MEGF10: variants seen among roughly 807,000 people sequenced by gnomAD.
MEGF10 encodes multiple epidermal growth factor-like domains protein 10.
Under a neutral mutation model 147.5 loss-of-function variants are expected in MEGF10, and 86 were observed. The ratio of observed to expected loss-of-function variants is 0.58; its 90% CI spans 0.49 to 0.70. The LOEUF is 0.70. Ranked by LOEUF, MEGF10 falls within the 30% of genes least tolerant of loss-of-function variation. MEGF10 has a pLI of 0.00. For missense variants in MEGF10, 1,329 were observed against 1,487.3 expected (o/e 0.89, Z 1.75); for synonymous variants, 478 against 525.5 (o/e 0.91, Z 1.24).
intron 5 of MEGF10, among the ~76,000 whole-genome samples, chr5:127,380,805 C>A (rs969249649): frequency 6.6e-6 from 1 of 152,186 alleles, no homozygotes; most frequent in African/African-American, 2.4e-5. Flanking sequence ...GTGTGAGCCA[C>A]CGCGCCCAGC....
intron 1 of MEGF10, among the ~76,000 whole-genome samples, chr5:127,310,261 G>T (rs1223484862): frequency 6.6e-6 from 1 of 151,258 alleles, no homozygotes; most frequent in Admixed American, 6.6e-5. Flanking sequence ...TTTTAATTAG[G>T]TTGTCTGTTT....
At chr5:127,416,199 T>A (rs928625477) in intron 9 of MEGF10, among the ~76,000 whole-genome samples, 18 of 151,858 alleles carry the variant, frequency 1.2e-4, no homozygotes, top group African/African-American at 4.4e-4. Flanking sequence ...CGCTAATTTT[T>A]TGTGTTTTTT....
chr5:127,449,312 A>T, intron 22 of MEGF10, 90 bp downstream of exon 22: 1 of 1,553,428 alleles, frequency 6.4e-7, no homozygotes, highest in Non-Finnish European at 8.7e-7. Flanking sequence ...AAGGTGTTCT[A>T]TTGAAAACTT....
chr5:127,441,701 A>G (rs1336891170), intron 18 of MEGF10, among the ~76,000 whole-genome samples: 2 of 152,192 alleles, frequency 1.3e-5, no homozygotes, highest in Non-Finnish European at 2.9e-5. Flanking sequence ...CCTGTTCACC[A>G]GAGGTTGTAC....
intron 4 of MEGF10, among the ~76,000 whole-genome samples, chr5:127,362,613 C>G (rs1486522296): frequency 2.0e-5 from 3 of 152,124 alleles, no homozygotes; most frequent in Non-Finnish European, 4.4e-5. Context: ...ATCCGCCCGC[C>G]TCAGCCTCCC....
rs772049497 is a variant in MEGF10 at position 127,420,066 on chromosome 5, C to T, written c.1449C>T (p.Ser483=). 2 of 1,614,164 alleles carry T rather than the reference C, an allele frequency of 1.2e-6. No individual in the cohort carries two copies. The highest frequency in any genetic ancestry group is 1.7e-6 in the Non-Finnish European group (2 of 1,180,028). ...CAGGCTGGCACGGGGTGGACTGCTC[C>T]ATCAGATGTCCCAGTGGCACATGGG... ...CKAGWHGVDC[S]IRCPSGTWGF... Residue 483 remains serine, a synonymous_variant, in exon 12 of 25, where the codon TCC becomes TCT. Transcript: ENST00000503335.
At chr5:127,275,581 A>T in the MEGF10 span, among the ~76,000 whole-genome samples, 1 of 141,210 alleles carries the variant, frequency 7.1e-6, no homozygotes, top group African/African-American at 2.8e-5. Flanking sequence ...TGCCTTTCGA[A>T]TTCGAAGATC....
chr5:127,461,211 T>C lies in MEGF10; in HGVS notation c.*3893T>C, dbSNP rs1766546898. On this transcript the variant is annotated 3_prime_UTR_variant, in exon 25 of 25. Coordinates refer to ENST00000503335, the MANE Select transcript of MEGF10 (RefSeq NM_001256545.2). ...GTTTATAGATTAATGCAATAAACTT[T>C]CTAATAAAAAACTCTAGTGTTTCTT... is the stretch of plus-strand genomic sequence containing the variant. 6.6e-6 allele frequency: 1 copy of C among 152,222 alleles called. No individual in the cohort carries two copies. The highest frequency in any genetic ancestry group is 1.5e-5 in the Non-Finnish European group (1 of 68,048). The allele number at this position is 152,222 out of a possible 1,614,324, so 9.4% of individuals were successfully genotyped here.
At chr5:127,430,782 A>G (rs529424827) in intron 13 of MEGF10, among the ~76,000 whole-genome samples, 2 of 152,238 alleles carry the variant, frequency 1.3e-5, no homozygotes, top group Non-Finnish European at 2.9e-5. Flanking sequence ...TAACTGAGAC[A>G]TACTTGATAT....
At chr5:127,242,163 C>T in the MEGF10 span, among the ~76,000 whole-genome samples, 1 of 152,196 alleles carries the variant, frequency 6.6e-6, no homozygotes, top group Non-Finnish European at 1.5e-5. Flanking sequence ...AGACATACAA[C>T]AGGCAGCTTA....
intron 5 of MEGF10, among the ~76,000 whole-genome samples, chr5:127,379,745 GC>G (rs914064139): frequency 6.6e-6 from 1 of 151,732 alleles, no homozygotes; most frequent in African/African-American, 2.4e-5. Flanking sequence ...GATTACAGGC[GC>G]CCACCACCAT....
rs968050024 is a variant in MEGF10 at position 127,434,691 on chromosome 5, C to T, written c.1845C>T (p.Cys615=). ...GFRGTTCQRI[C]SPGFYGHRCS... ...TGATTTCCCTTCTGTTTTCAGTCTG[C>T]TCCCCTGGTTTTTATGGGCATCGCT... is the stretch of plus-strand genomic sequence containing the variant. Residue 615 remains cysteine (C), a synonymous_variant, in exon 15 of 25, where the codon TGC becomes TGT. Transcript: ENST00000503335. 3.1e-6 allele frequency: 5 copies of T among 1,609,982 alleles called. No individual in the cohort carries two copies. Among genetic ancestry groups the T allele is most frequent in the Non-Finnish European group, 4.2e-6 (5 of 1,177,966 alleles).
At chr5:127,278,357 G>A in the MEGF10 span, among the ~76,000 whole-genome samples, 1 of 151,962 alleles carries the variant, frequency 6.6e-6, no homozygotes, top group Admixed American at 6.6e-5. Flanking sequence ...ATTAAATTGA[G>A]GGTTGGGGCC....
chr5:127,382,694 A>C (rs887092873), intron 5 of MEGF10, among the ~76,000 whole-genome samples: 1 of 152,200 alleles, frequency 6.6e-6, no homozygotes, highest in African/African-American at 2.4e-5. Flanking sequence ...TTTTTGCCAC[A>C]TAAGTAAACA....
the MEGF10 span, among the ~76,000 whole-genome samples, chr5:127,282,992 T>C: frequency 3.9e-5 from 6 of 152,192 alleles, no homozygotes; most frequent in African/African-American, 1.4e-4. Flanking sequence ...GATTTTTTTT[T>C]CCCCAGTCCT....
In MEGF10 at chr5:127,420,092, G is replaced by A. The variant is rs775952846; in HGVS notation, c.1475G>A (p.Gly492Asp). 11 of 1,614,204 alleles carry A rather than the reference G, an allele frequency of 6.8e-6. No homozygotes were observed. The South Asian group carries it at 1.1e-4, about 16-fold the overall frequency. Residue 492 changes from glycine to aspartate, a missense_variant, in exon 12 of 25, where the codon GGC becomes GAC. Physicochemically the swap from Gly to Asp is moderately conservative, Grantham distance 94. Coordinates refer to ENST00000503335, the MANE Select transcript of MEGF10 (RefSeq NM_001256545.2). Reference protein sequence around the residue: ...CSIRCPSGTWGFGCNLTCQCL... With the variant: ...CSIRCPSGTWDFGCNLTCQCL... Reference sequence around the variant, plus strand: ...ATCAGATGTCCCAGTGGCACATGGGGCTTTGGCTGTAACTTAACATGCCAG... The same window carrying A: ...ATCAGATGTCCCAGTGGCACATGGGACTTTGGCTGTAACTTAACATGCCAG...
At chr5:127,429,090 C>A (rs1031959766) in intron 13 of MEGF10, among the ~76,000 whole-genome samples, 2 of 152,196 alleles carry the variant, frequency 1.3e-5, no homozygotes, top group Non-Finnish European at 2.9e-5. Flanking sequence ...CCCATTGAAC[C>A]AGAGATGGCT....
chr5:127,317,839 A>C (rs931775412), intron 1 of MEGF10, among the ~76,000 whole-genome samples: 1 of 152,184 alleles, frequency 6.6e-6, no homozygotes, highest in Non-Finnish European at 1.5e-5. Flanking sequence ...AACATGGTAC[A>C]TGTATACATA....
At chr5:127,298,504 G>A (rs1024008176) in intron 1 of MEGF10, among the ~76,000 whole-genome samples, 1 of 152,188 alleles carries the variant, frequency 6.6e-6, no homozygotes, top group Admixed American at 6.5e-5. Flanking sequence ...TCAGAGGCAC[G>A]AGAATCACCT....
Sources: allele counts gnomAD v4.1 joint callset (sites outside exome capture counted in the v4.1 genomes callset), GRCh38; gene constraint gnomAD v4.1.1; transcripts MANE v1.5; gene names NCBI Gene and HGNC (gene_info 2026-07-23, HGNC 2026-07-21).